The following UPF2 variants were observed in gnomAD, a reference collection of about 807,000 sequenced individuals.
UPF2 encodes the protein regulator of nonsense transcripts 2.
UPF2 carries 17 observed loss-of-function variants against 141.4 expected under a neutral mutation model. The observed-to-expected ratio is 0.12, with a 90% CI of 0.08 to 0.18. The LOEUF (loss-of-function observed/expected upper bound fraction) is 0.18. Ranked by LOEUF, UPF2 falls within the 10% of genes least tolerant of loss-of-function variation. The pLI is 1.00. For synonymous variants in UPF2, 540 were observed against 498.0 expected, an observed-to-expected ratio of 1.08 and a Z score of -1.12; for missense variants, 1,152 against 1,515.9, an observed-to-expected ratio of 0.76 and a Z score of 3.99.
At position 11,936,481 on chromosome 10, in the gene UPF2, A is replaced by T; in HGVS notation, c.3546+64T>A. ...ACCCTTATCCCCTTGTAGGTCAAAG[A>T]TAAGTTAAAACCTAACTGTATAACT... On this transcript the variant is annotated intron_variant, in intron 19 of 21. Coordinates refer to ENST00000357604, the MANE Select transcript of UPF2 (RefSeq NM_015542.4). The surrounding 1 kb of genome is among the most constrained non-coding windows in gnomAD (Gnocchi z 6.6). 1 of 1,484,686 alleles carries T rather than the reference A, an allele frequency of 6.7e-7. No individual in the cohort carries two copies. The highest frequency in any genetic ancestry group is 9.0e-7 in the Non-Finnish European group (1 of 1,111,050). 92.0% of individuals were successfully genotyped at this position (1,484,686 alleles called of 1,614,324 possible).
intron 4 of UPF2, among the ~76,000 whole-genome samples, chr10:12,013,763 T>C (rs528685832): frequency 3.3e-5 from 5 of 152,232 alleles, no homozygotes; most frequent in Non-Finnish European, 5.9e-5. Flanking sequence ...TTTCTTTATT[T>C]AAGAAAAGTT....
At chr10:11,923,564 C>T (rs527355590) in intron 21 of UPF2, among the ~76,000 whole-genome samples, 1 of 151,928 alleles carries the variant, frequency 6.6e-6, no homozygotes, top group South Asian at 2.1e-4. Flanking sequence ...GCCTGTAATC[C>T]CAGCTACTCG....
Position 11,956,462 on chromosome 10 carries a change from C to T in UPF2, c.2432G>A (p.Cys811Tyr). ...CACATTCCAGATGTTTATCATACAA[C>T]AAATAACATAGTCTTTCACTTCTTG... ...QDQEVKDYVI[C>Y]CMINIWNVKY... is the part of the protein sequence containing the mutation. The change falls in exon 13 of 22, where the codon TGT (cysteine) becomes TAT (tyrosine). Residue 811 changes from cysteine (C) to tyrosine (Y), a missense_variant. Physicochemically the swap from Cys to Tyr is radical, Grantham distance 194 (BLOSUM62 -2). This residue lies in a region of UPF2 where 739 missense variants were observed against 1,032.2 expected (regional missense o/e 0.72). Coordinates refer to ENST00000357604, the MANE Select transcript of UPF2 (RefSeq NM_015542.4). This position sits in a 1 kb window ranked among gnomAD's most constrained non-coding sequence, Gnocchi z 4.2. 6.2e-7 allele frequency: 1 copy of T among 1,614,034 alleles called. No individual in the cohort carries two copies. Among genetic ancestry groups the T allele is most frequent in the Non-Finnish European group, 8.5e-7 (1 of 1,179,940 alleles).
Position 11,936,245 on chromosome 10 carries a change from C to G in UPF2, c.3546+300G>C, listed in dbSNP as rs1205976718. On this transcript the variant is annotated intron_variant, in intron 19 of 21. Coordinates refer to ENST00000357604, the MANE Select transcript of UPF2 (RefSeq NM_015542.4). This position sits in a 1 kb window ranked among gnomAD's most constrained non-coding sequence, Gnocchi z 6.6. ...ATTAGCCGGGCGTCATGGTGGACGC[C>G]TGTAATCCCAGCTACTCAGGAGGCT... Among the ~76,000 whole-genome samples the G allele has an allele frequency of 1.3e-5, 2 of 152,006 alleles. No homozygotes were observed. The highest frequency in any genetic ancestry group is 3.9e-4 in the East Asian group (2 of 5,190).
At position 11,931,319 on chromosome 10, in the gene UPF2, A is replaced by T. The variant is rs765100518; in HGVS notation, c.3688+322T>A. On this transcript the variant is annotated intron_variant, in intron 20 of 21. Transcript: ENST00000357604. This position sits in a 1 kb window ranked among gnomAD's most constrained non-coding sequence, Gnocchi z 5.9. ...CCTAATGTCACATTTTTTAGAATGC[A>T]TCCCTGTCATTAAGCAAGGCATACT... is the stretch of plus-strand genomic sequence containing the variant. Among the ~76,000 whole-genome samples, 2 of 152,192 alleles carry T rather than the reference A, an allele frequency of 1.3e-5. No individual in the cohort carries two copies. Among genetic ancestry groups the T allele is most frequent in the Non-Finnish European group, 2.9e-5 (2 of 68,028 alleles).
chr10:11,967,546 G>GTTTTTTTTTT, intron 9 of UPF2, 92 bp from the exon 10 acceptor site: 3 of 242,716 alleles, frequency 1.2e-5, no homozygotes, highest in Non-Finnish European at 2.2e-5. Flanking sequence ...ATTCACTCCA[G>GTTTTTTTTTT]TTTTTTTTTT....
In UPF2 at chr10:11,953,738, A is replaced by C. The variant is rs1044658222; in HGVS notation, c.2851-1489T>G. Among the ~76,000 whole-genome samples the C allele has an allele frequency of 2.6e-5, 4 of 152,182 alleles. No homozygotes were observed. The highest frequency in any genetic ancestry group is 4.8e-5 in the African/African-American group (2 of 41,448). ...GGTCCTTACATACAACAGGGACTGCAACCCTCAAATCTGCAAGTCCTTTTC... is the reference window on the plus strand; with the variant it reads ...GGTCCTTACATACAACAGGGACTGCCACCCTCAAATCTGCAAGTCCTTTTC... On this transcript the variant is annotated intron_variant, in intron 14 of 21. Coordinates refer to ENST00000357604, the MANE Select transcript of UPF2 (RefSeq NM_015542.4). This position sits in a 1 kb window ranked among gnomAD's most constrained non-coding sequence, Gnocchi z 5.0.
At position 11,921,071 on chromosome 10, in the gene UPF2, T is replaced by C; in HGVS notation, c.*227A>G. 1 of 760,400 alleles carries C rather than the reference T, an allele frequency of 1.3e-6. No individual in the cohort carries two copies. The highest frequency in any genetic ancestry group is 1.7e-5 in the African/African-American group (1 of 58,788). The allele number at this position is 760,400 out of a possible 1,614,324, so 47.1% of individuals were successfully genotyped here. A position where few individuals can be genotyped will look rare whatever the true frequency, so the allele number is the denominator to read the frequency against. ...AAGAGAAGATTAACCCTCGCGAGAT[T>C]TCCATTACAAAAGGCCTTTTCCGCC... On this transcript the variant is annotated 3_prime_UTR_variant, in exon 22 of 22. Transcript: ENST00000357604. The surrounding 1 kb of genome is among the most constrained non-coding windows in gnomAD (Gnocchi z 5.9).
intron 4 of UPF2, among the ~76,000 whole-genome samples, chr10:12,006,866 G>T (rs971892307): frequency 1.3e-5 from 2 of 152,060 alleles, no homozygotes. Flanking sequence ...ACTTAGGGTG[G>T]AGTCTCTGGA....
chr10:11,942,502 A>G lies in UPF2; in HGVS notation c.3378+163T>C, dbSNP rs142787881. 1.6e-3 allele frequency among the ~76,000 whole-genome samples: 246 copies of G among 152,368 alleles called. 1 individual carries two copies. Among genetic ancestry groups the G allele is most frequent in the African/African-American group, 5.5e-3 (228 of 41,600 alleles). ...CCTCATGCAAATCAGGATGTGGGAT[A>G]CAAGAAGGACAAGAAGCTGGCTGCA... On this transcript the variant is annotated intron_variant, in intron 18 of 21. Transcript: ENST00000357604.
chr10:11,926,023 G>C (rs1832708710), intron 21 of UPF2, among the ~76,000 whole-genome samples: 1 of 152,212 alleles, frequency 6.6e-6, no homozygotes, highest in Admixed American at 6.5e-5. Flanking sequence ...GGTTGAGACG[G>C]AGAGGCTGAT....
chr10:11,986,866 A>G (rs1833700425), intron 8 of UPF2, among the ~76,000 whole-genome samples: 1 of 152,214 alleles, frequency 6.6e-6, no homozygotes, highest in Non-Finnish European at 1.5e-5. Flanking sequence ...AGGAGGTCCA[A>G]TCAGAAAATC....
chr10:11,999,993 T>A lies in UPF2; in HGVS notation c.1671A>T (p.Glu557Asp). The stretch of plus-strand genomic sequence containing the variant: ...GCTTGAGATGAGATCCAGTGCTGGC[T>A]TCCTCATCTTCTTGTTCTAATGTAA... ...LLDEQEQEDEEASTGSHLKLI... is the reference protein window; with the variant it reads ...LLDEQEQEDEDASTGSHLKLI... The change falls in exon 7 of 22, where the codon GAA (glutamate) becomes GAT (aspartate). Residue 557 changes from glutamate (E) to aspartate (D), a missense_variant. Transcript: ENST00000357604. 1 of 1,605,960 alleles carries A rather than the reference T, an allele frequency of 6.2e-7. No homozygotes were observed.
chr10:11,924,590 C>CT (rs1396875013), intron 21 of UPF2, among the ~76,000 whole-genome samples: 4 of 145,816 alleles, frequency 2.7e-5, no homozygotes, highest in East Asian at 2.0e-4. Flanking sequence ...AAAAAAAAAT[C>CT]TTTTTTTTAA....
intron 1 of UPF2, among the ~76,000 whole-genome samples, chr10:12,038,792 T>C (rs144153497): frequency 1.3e-5 from 2 of 151,914 alleles, no homozygotes; most frequent in Non-Finnish European, 2.9e-5. Flanking sequence ...AAGACAACAT[T>C]AGCATTTATA....
chr10:11,996,385 T>C (rs1833865148), intron 8 of UPF2, among the ~76,000 whole-genome samples: 2 of 152,072 alleles, frequency 1.3e-5, no homozygotes, highest in South Asian at 4.2e-4. Flanking sequence ...TCTCGCTCTG[T>C]TGCCCAGGCT....
chr10:11,958,820 C>A (rs1351750587), intron 12 of UPF2, among the ~76,000 whole-genome samples: 2 of 152,094 alleles, frequency 1.3e-5, no homozygotes. Context: ...TCATGGGCCT[C>A]TTATAACGTC....
At chr10:12,038,060 A>G in intron 1 of UPF2, among the ~76,000 whole-genome samples, 1 of 152,262 alleles carries the variant, frequency 6.6e-6, no homozygotes, top group East Asian at 1.9e-4. Flanking sequence ...CACAACAACA[A>G]CAAAAAAGCT....
Position 12,035,156 on chromosome 10 carries a change from CTTT to C in UPF2, c.265_267del (p.Lys89del), listed in dbSNP as rs756056395. The C allele has an allele frequency of 1.1e-5, 18 of 1,605,490 alleles. No individual in the cohort carries two copies. The highest frequency in any genetic ancestry group is 1.5e-5 in the Non-Finnish European group (18 of 1,178,332). On this transcript the variant is annotated inframe_deletion, in exon 2 of 22. Coordinates refer to ENST00000357604, the MANE Select transcript of UPF2 (RefSeq NM_015542.4). The stretch of plus-strand genomic sequence containing the variant: ...TGATGTTTCTTTTTTTCTTCCTCTT[CTTT>C]TTTCTTTGATTCTTCCTCTGCCTTC...
Sources: gnomAD v4.1 joint callset for allele counts (sites outside exome capture counted in the v4.1 genomes callset) on GRCh38, gnomAD v4.1.1 for gene constraint, gnomAD v4.1.1 regional missense constraint, Gnocchi (gnomAD v3.1) non-coding constraint, MANE v1.5 for transcripts, NCBI Gene and HGNC (gene_info 2026-07-23, HGNC 2026-07-21) for gene names.